ATAD5: variants seen among roughly 807,000 people sequenced by gnomAD.
ATAD5 encodes the protein ATPase family AAA domain containing 5.
In ATAD5, 58 loss-of-function variants were observed where a neutral mutation model predicts 176.9. That is an observed-to-expected ratio of 0.33 (90% CI 0.27 to 0.41). The LOEUF (loss-of-function observed/expected upper bound fraction) is 0.41, where lower values mean the gene tolerates loss of function less well. ATAD5 is among the 10% of genes least tolerant of loss of function. The probability of loss-of-function intolerance (pLI) is 1.00; values close to 1 mark genes in which losing one functional copy is unlikely to be tolerated. For synonymous variants in ATAD5, 640 were observed against 712.6 expected, an observed-to-expected ratio of 0.90 and a Z score of 1.62; for missense variants, 1,789 against 2,094.1, an observed-to-expected ratio of 0.85 and a Z score of 2.84.
rs543697426 is a variant in ATAD5, at chr17:30,839,571, G to A, written c.2077-1046G>A. Among the ~76,000 whole-genome samples, 438 of 137,126 alleles carry A rather than the reference G, an allele frequency of 3.2e-3. 3 individuals are homozygous for A. The highest frequency in any genetic ancestry group is 5.7e-3 in the Middle Eastern group (1 of 174). 90.0% of individuals were successfully genotyped at this position (137,126 alleles called of 152,430 possible). Reference sequence around the variant, plus strand: ...ATTACAGGCGTGAGACACTGCACCCGGCCATCTTCTTTTTTTTTTTTTTTT... The same window carrying A: ...ATTACAGGCGTGAGACACTGCACCCAGCCATCTTCTTTTTTTTTTTTTTTT... On this transcript the variant is annotated intron_variant, in intron 3 of 22. Coordinates refer to ENST00000321990, the MANE Select transcript of ATAD5 (RefSeq NM_024857.5).
In ATAD5 at chr17:30,868,070, C is replaced by A. The variant is rs1235476510; in HGVS notation, c.3234-263C>A. Reference sequence around the variant, plus strand: ...ATAGTCTTGTATATTTTGGCAGAAACTACTTCATTTAAAAATGTTCATGTC... The same window carrying A: ...ATAGTCTTGTATATTTTGGCAGAAAATACTTCATTTAAAAATGTTCATGTC... On this transcript the variant is annotated intron_variant, in intron 11 of 22. Coordinates refer to ENST00000321990, the MANE Select transcript of ATAD5 (RefSeq NM_024857.5). Among the ~76,000 whole-genome samples the A allele has an allele frequency of 2.0e-5, 3 of 152,184 alleles. No individual in the cohort carries two copies. In the East Asian group the frequency reaches 5.8e-4, roughly 29 times the overall value.
At chr17:30,875,395 C>T (rs1403080443) in intron 14 of ATAD5, among the ~76,000 whole-genome samples, 2 of 152,088 alleles carry the variant, frequency 1.3e-5, no homozygotes, top group African/African-American at 4.8e-5. Context: ...CAACAAAGTT[C>T]TGTAATGTGC....
chr17:30,869,487 T>G lies in ATAD5; in HGVS notation c.3457-9T>G. 6.2e-7 allele frequency: 1 copy of G among 1,610,304 alleles called. No homozygotes were observed. The highest frequency in any genetic ancestry group is 8.5e-7 in the Non-Finnish European group (1 of 1,179,210). ...TCTCCCTTCGTTTTTTCTTATATTCTTCTTTTAGATATTTGAAGTGAATGC... is the reference window on the plus strand; with the variant it reads ...TCTCCCTTCGTTTTTTCTTATATTCGTCTTTTAGATATTTGAAGTGAATGC... On this transcript the variant is annotated splice_polypyrimidine_tract_variant and intron_variant, in intron 13 of 22. Transcript: ENST00000321990.
intron 19 of ATAD5, among the ~76,000 whole-genome samples, chr17:30,891,694 T>G (rs905308532): frequency 2.7e-5 from 4 of 149,150 alleles, no homozygotes; most frequent in African/African-American, 9.9e-5. Flanking sequence ...TTCTTTTTTC[T>G]TCCCCCTTTG....
At chr17:30,876,648 T>A in intron 15 of ATAD5, 98 bp downstream of exon 15, 1 of 633,058 alleles carries the variant, frequency 1.6e-6, no homozygotes, top group Non-Finnish European at 2.5e-6. Context: ...TGCTATTTAT[T>A]AAATCTCAGC....
At chr17:30,883,671 C>A (rs1373132719) in intron 18 of ATAD5, among the ~76,000 whole-genome samples, 1 of 151,990 alleles carries the variant, frequency 6.6e-6, no homozygotes, top group Non-Finnish European at 1.5e-5. Context: ...CTCAGCCTCC[C>A]GAGTAGCTGG....
chr17:30,878,345 C>T (rs1258037799), intron 17 of ATAD5, among the ~76,000 whole-genome samples: 1 of 151,900 alleles, frequency 6.6e-6, no homozygotes, highest in African/African-American at 2.4e-5. Flanking sequence ...CTTATCATAC[C>T]TATAATCAGA....
intron 5 of ATAD5, among the ~76,000 whole-genome samples, chr17:30,844,321 C>T (rs995383972): frequency 2.6e-5 from 4 of 151,592 alleles, no homozygotes; most frequent in African/African-American, 4.8e-5. Flanking sequence ...TTAGTAGAGA[C>T]GGGGTTTCAC....
intron 15 of ATAD5, 152 bp downstream of exon 15, chr17:30,876,702 CTTTTTTTTTTTTT>C (rs202065630): frequency 1.9e-4 from 24 of 127,774 alleles, no homozygotes; most frequent in Middle Eastern, 4.1e-3. Flanking sequence ...ATTTTGTTTC[CTTTTTTTTTTTTT>C]TTTTTTTTTT....
chr17:30,889,447 C>T (rs189594130), intron 19 of ATAD5, among the ~76,000 whole-genome samples: 1 of 151,708 alleles, frequency 6.6e-6, no homozygotes, highest in East Asian at 1.9e-4. Flanking sequence ...AACTTTTTCA[C>T]TTACTAAAAA....
intron 3 of ATAD5, among the ~76,000 whole-genome samples, chr17:30,840,302 G>A (rs1340415771): frequency 1.3e-5 from 2 of 151,748 alleles, no homozygotes; most frequent in Non-Finnish European, 2.9e-5. Flanking sequence ...AGTAGGCTGG[G>A]TAACTGTTTG....
At position 30,835,792 on chromosome 17, in the gene ATAD5, G is replaced by T. The variant is rs1232632109; in HGVS notation, c.1711G>T (p.Asp571Tyr). The T allele has an allele frequency of 6.2e-7, 1 of 1,613,344 alleles. No homozygotes were observed. The highest frequency in any genetic ancestry group is 8.5e-7 in the Non-Finnish European group (1 of 1,179,820). Residue 571 changes from aspartate to tyrosine, a missense_variant, in exon 2 of 23, where the codon GAT becomes TAT. Asp to Tyr is a radical substitution (Grantham distance 160). Coordinates refer to ENST00000321990, the MANE Select transcript of ATAD5 (RefSeq NM_024857.5). ...AAGAAAAACCAGCATACCAGTTAAAGATATTAAGCTTACACAGTCTAAAGC... is the reference window on the plus strand; with the variant it reads ...AAGAAAAACCAGCATACCAGTTAAATATATTAAGCTTACACAGTCTAAAGC... ...LSRKTSIPVK[D>Y]IKLTQSKAES...
chr17:30,894,005 A>G lies in ATAD5; in HGVS notation c.5152A>G (p.Thr1718Ala), dbSNP rs745783456. 1 of 1,613,796 alleles carries G rather than the reference A, an allele frequency of 6.2e-7. No individual in the cohort carries two copies. Among genetic ancestry groups the G allele is most frequent in the South Asian group, 1.1e-5 (1 of 91,038 alleles). Residue 1718 changes from threonine (T) to alanine (A), a missense_variant, in exon 21 of 23, where the codon ACT (threonine) becomes GCT (alanine). Physicochemically the swap from Thr to Ala is moderately conservative, Grantham distance 58. Coordinates refer to ENST00000321990, the MANE Select transcript of ATAD5 (RefSeq NM_024857.5). ...LKAAAEALSF[T>A]KCSSAISKAL... is the part of the protein sequence containing the mutation. ...GGCAGCTGCAGAAGCTCTCAGCTTT[A>G]CTAAATGTTCTTCTGCTATTTCAAA... is the stretch of plus-strand genomic sequence containing the variant.
chr17:30,861,619 C>A (rs929606128), intron 10 of ATAD5, among the ~76,000 whole-genome samples: 2 of 152,118 alleles, frequency 1.3e-5, no homozygotes, highest in African/African-American at 4.8e-5. Flanking sequence ...TCAAGTGATT[C>A]TCCTGCCTCA....
intron 14 of ATAD5, among the ~76,000 whole-genome samples, chr17:30,870,197 T>C (rs1412165711): frequency 3.3e-5 from 5 of 152,232 alleles, no homozygotes; most frequent in Non-Finnish European, 7.3e-5. Context: ...TCAAATGATT[T>C]GTTCAAATCT....
chr17:30,869,115 T>C (rs73277984), intron 12 of ATAD5, 133 bp from the exon 13 acceptor site: 127,490 of 1,049,308 alleles, frequency 0.12, 8,794 homozygotes, highest in South Asian at 0.24. Context: ...CATGTGCCAC[T>C]GCGTCCGGCC....
chr17:30,868,667 C>G (rs781665521), intron 12 of ATAD5, among the ~76,000 whole-genome samples: 1 of 151,152 alleles, frequency 6.6e-6, no homozygotes, highest in Non-Finnish European at 1.5e-5. Flanking sequence ...CCGCCACGCC[C>G]GACTAATTTT....
intron 12 of ATAD5, among the ~76,000 whole-genome samples, chr17:30,868,849 CT>C (rs568729653): frequency 0.11 from 14,359 of 131,614 alleles, 799 homozygotes; most frequent in South Asian, 0.24. Flanking sequence ...TGATTTTCTA[CT>C]TTTTTTTTTT....
chr17:30,876,322 C>A, intron 14 of ATAD5, 52 bp from the exon 15 acceptor site: 2 of 1,474,614 alleles, frequency 1.4e-6, no homozygotes, highest in South Asian at 1.3e-5. Flanking sequence ...TGTCTTGCTA[C>A]CTGTATGATT....
Sources: gnomAD v4.1 joint callset for allele counts (sites outside exome capture counted in the v4.1 genomes callset) on GRCh38, gnomAD v4.1.1 for gene constraint, MANE v1.5 for transcripts, NCBI Gene and HGNC (gene_info 2026-07-23, HGNC 2026-07-21) for gene names.